Variants in SMYD3 observed in about 807,000 individuals in gnomAD.
SMYD3 encodes SET and MYND domain containing 3, also known as histone-lysine N-methyltransferase SMYD3.
In SMYD3, 36 loss-of-function variants were observed where a neutral mutation model predicts 57.7. That is an observed-to-expected ratio of 0.62 (90% CI 0.48 to 0.82). The LOEUF (loss-of-function observed/expected upper bound fraction) is 0.82, where lower values mean the gene tolerates loss of function less well. SMYD3 is among the 40% of genes least tolerant of loss of function. The pLI is 0.00. For synonymous variants in SMYD3, 211 were observed against 195.0 expected (o/e 1.08, Z -0.68); for missense variants, 515 against 538.8 (o/e 0.96, Z 0.44).
At chr1:246,059,109 CT>C (rs950242631) in intron 5 of SMYD3, among the ~76,000 whole-genome samples, 1 of 152,154 alleles carries the variant, frequency 6.6e-6, no homozygotes, top group African/African-American at 2.4e-5. Flanking sequence ...ATCTCCTGAC[CT>C]TGTGATCCGC....
chr1:246,221,057 C>T (rs905353752), intron 5 of SMYD3, among the ~76,000 whole-genome samples: 4 of 151,980 alleles, frequency 2.6e-5, no homozygotes, highest in Admixed American at 6.6e-5. Context: ...GATGATGGGA[C>T]GACCTGCCTG....
intron 5 of SMYD3, among the ~76,000 whole-genome samples, chr1:246,304,043 T>C (rs1646470930): frequency 6.6e-6 from 1 of 152,182 alleles, no homozygotes; most frequent in African/African-American, 2.4e-5. Context: ...TCTACTAACC[T>C]AAAAACAAAA....
intron 1 of SMYD3, among the ~76,000 whole-genome samples, chr1:246,478,002 T>A (rs1199560851): frequency 2.0e-5 from 3 of 152,220 alleles, no homozygotes; most frequent in Non-Finnish European, 4.4e-5. Flanking sequence ...AATACATATG[T>A]AGATAAGGGC....
chr1:245,798,484 CCACACACA>C (rs146927711), intron 10 of SMYD3, among the ~76,000 whole-genome samples: 11 of 132,272 alleles, frequency 8.3e-5, no homozygotes, highest in South Asian at 5.3e-4. Context: ...ACACAACACA[CCACACACA>C]CACACACACA....
At chr1:245,817,052 A>C (rs953092539) in intron 10 of SMYD3, among the ~76,000 whole-genome samples, 2 of 151,504 alleles carry the variant, frequency 1.3e-5, no homozygotes, top group African/African-American at 2.4e-5. Context: ...ACCACAGCTC[A>C]AGGAGGCCTG....
At chr1:245,781,302 G>A (rs1326363296) in intron 10 of SMYD3, among the ~76,000 whole-genome samples, 1 of 152,172 alleles carries the variant, frequency 6.6e-6, no homozygotes, top group African/African-American at 2.4e-5. Context: ...TACTATTATT[G>A]TTGCCATTTT....
At chr1:246,267,276 C>T (rs1245269165) in intron 5 of SMYD3, among the ~76,000 whole-genome samples, 3 of 151,906 alleles carry the variant, frequency 2.0e-5, no homozygotes, top group South Asian at 2.1e-4. Flanking sequence ...AATGGTCATG[C>T]ATTAACATAT....
intron 5 of SMYD3, among the ~76,000 whole-genome samples, chr1:246,312,165 G>A (rs542836456): frequency 6.6e-6 from 1 of 152,240 alleles, no homozygotes; most frequent in African/African-American, 2.4e-5. Flanking sequence ...CTCCAGGAAC[G>A]TGGCATGAGA....
At chr1:246,055,160 A>G (rs990319071) in intron 5 of SMYD3, among the ~76,000 whole-genome samples, 4 of 151,138 alleles carry the variant, frequency 2.6e-5, no homozygotes, top group African/African-American at 9.8e-5. Context: ...TGGGTGACAG[A>G]GCAAGACTCT....
intron 10 of SMYD3, among the ~76,000 whole-genome samples, chr1:245,769,688 G>C (rs1391573236): frequency 6.6e-6 from 1 of 152,154 alleles, no homozygotes; most frequent in African/African-American, 2.4e-5. Context: ...ATTGCGCATG[G>C]AAGAAAAAAT....
chr1:245,999,169 A>C (rs1364903867), intron 5 of SMYD3, among the ~76,000 whole-genome samples: 1 of 152,168 alleles, frequency 6.6e-6, no homozygotes, highest in Non-Finnish European at 1.5e-5. Flanking sequence ...CACCAAAAAA[A>C]ACCCACAAAA....
rs2056612331 is a variant in SMYD3, at chr1:245,929,918, G to A, written c.551C>T (p.Thr184Ile). 6.2e-7 allele frequency: 1 copy of A among 1,613,586 alleles called. No homozygotes were observed. The highest frequency in any genetic ancestry group is 1.7e-5 in the Admixed American group (1 of 59,980). ...AFAKVICNSF[T>I]ICNAEMQEVG... ...TTCCTGCATCTCCGCATTACAGATG[G>A]TGAAAGAGTTGCAGATCACCTGTAA... The change falls in exon 6 of 12, where the codon ACC becomes ATC. Residue 184 changes from threonine (T) to isoleucine (I), a missense_variant. Transcript: ENST00000490107.
intron 5 of SMYD3, among the ~76,000 whole-genome samples, chr1:246,301,406 CGAAAGGGAGGT>C (rs1476551574): frequency 1.3e-5 from 2 of 151,922 alleles, no homozygotes; most frequent in East Asian, 3.9e-4. Context: ...CATAGGTGCC[CGAAAGGGAGGT>C]AGTACACTTC....
At chr1:245,793,537 C>A (rs1193705565) in intron 10 of SMYD3, among the ~76,000 whole-genome samples, 1 of 151,990 alleles carries the variant, frequency 6.6e-6, no homozygotes, top group Non-Finnish European at 1.5e-5. Flanking sequence ...CCCAGAGGTC[C>A]ACATCTCATT....
At chr1:246,269,848 C>T (rs895752690) in intron 5 of SMYD3, among the ~76,000 whole-genome samples, 5 of 152,116 alleles carry the variant, frequency 3.3e-5, no homozygotes, top group African/African-American at 9.7e-5. Context: ...GCTGGGATTC[C>T]GGGCGTGTAC....
chr1:246,040,419 C>T (rs2059848535), intron 5 of SMYD3, among the ~76,000 whole-genome samples: 1 of 152,216 alleles, frequency 6.6e-6, no homozygotes, highest in Non-Finnish European at 1.5e-5. Flanking sequence ...ACCTTGGGCT[C>T]AGAATGGTGC....
At chr1:245,921,946 T>G (rs1460929836) in intron 7 of SMYD3, among the ~76,000 whole-genome samples, 2 of 152,102 alleles carry the variant, frequency 1.3e-5, no homozygotes, top group Non-Finnish European at 2.9e-5. Flanking sequence ...AATATACCCA[T>G]GCAACACAGC....
chr1:245,903,461 C>G (rs78915203), intron 8 of SMYD3, among the ~76,000 whole-genome samples: 1 of 152,144 alleles, frequency 6.6e-6, no homozygotes, highest in Non-Finnish European at 1.5e-5. Context: ...GCCCCCACCC[C>G]CACAAGGACA....
intron 10 of SMYD3, among the ~76,000 whole-genome samples, chr1:245,822,303 A>C (rs2049206098): frequency 6.6e-6 from 1 of 150,618 alleles, no homozygotes; most frequent in Non-Finnish European, 1.5e-5. Flanking sequence ...AAGAACAAAA[A>C]ACCAAACACC....
Sources: allele counts gnomAD v4.1 joint callset (sites outside exome capture counted in the v4.1 genomes callset), GRCh38; gene constraint gnomAD v4.1.1; transcripts MANE v1.5; gene names NCBI Gene and HGNC (gene_info 2026-07-23, HGNC 2026-07-21).